The following DZANK1 variants were observed in gnomAD, a reference collection of about 807,000 sequenced individuals.
The protein encoded by DZANK1 is double zinc ribbon and ankyrin repeat-containing protein 1.
DZANK1 carries 91 observed loss-of-function variants against 94.5 expected under a neutral mutation model. The observed-to-expected ratio is 0.96, with a 90% CI of 0.81 to 1.15. The LOEUF is 1.15. Ranked by LOEUF, DZANK1 falls within the 50% of genes most tolerant of loss-of-function variation. The pLI is 0.00. For synonymous variants in DZANK1, 312 were observed against 325.3 expected (o/e 0.96, Z 0.44); for missense variants, 903 against 916.4 (o/e 0.99, Z 0.19).
At chr20:18,393,191 G>A (rs746843724) in intron 17 of DZANK1, among the ~76,000 whole-genome samples, 25 of 152,100 alleles carry the variant, frequency 1.6e-4, no homozygotes, top group African/African-American at 4.6e-4. Flanking sequence ...GCTGAAACCC[G>A]TGAGAGCGCT....
At chr20:18,430,893 A>G (rs1244350278) in intron 9 of DZANK1, among the ~76,000 whole-genome samples, 1 of 152,210 alleles carries the variant, frequency 6.6e-6, no homozygotes. Context: ...GTTGCGAGGA[A>G]AAGTATATAA....
intron 6 of DZANK1, among the ~76,000 whole-genome samples, chr20:18,451,517 C>T (rs1379392371): frequency 6.6e-6 from 1 of 152,146 alleles, no homozygotes; most frequent in Non-Finnish European, 1.5e-5. Flanking sequence ...CTAGTGATCT[C>T]GTTCAGACCT....
At chr20:18,432,688 C>T (rs2058331530) in intron 9 of DZANK1, 1 of 152,190 alleles carries the variant, frequency 6.6e-6, no homozygotes, top group Non-Finnish European at 1.5e-5. Context: ...TACATAATGC[C>T]ATGCATTTCC....
Position 18,416,809 on chromosome 20 carries a change from A to T in DZANK1, c.955-1360T>A, listed in dbSNP as rs547937520. Among the ~76,000 whole-genome samples, 23 of 152,264 alleles carry T rather than the reference A, an allele frequency of 1.5e-4. No homozygotes were observed. In the East Asian group the frequency reaches 4.1e-3, roughly 27 times the overall value. The stretch of plus-strand genomic sequence containing the variant: ...GGAAACTCCTTCAGGTAAATCAAAG[A>T]GAAATTCTCTGCAAACTTTTGCTTC... On this transcript the variant is annotated intron_variant, in intron 10 of 20. Coordinates refer to ENST00000262547, the Ensembl canonical transcript of DZANK1.
chr20:18,394,375 C>T, intron 15 of DZANK1, 25 bp from the exon 16 acceptor site: 1 of 1,603,708 alleles, frequency 6.2e-7, no homozygotes, highest in Non-Finnish European at 8.5e-7. Context: ...CATTTAAACA[C>T]CATGAATGAT....
chr20:18,397,137 C>T (rs1182858962), intron 14 of DZANK1, among the ~76,000 whole-genome samples: 2 of 152,146 alleles, frequency 1.3e-5, no homozygotes, highest in African/African-American at 2.4e-5. Context: ...CAGCTGTGAT[C>T]CAATAAAATT....
intron 8 of DZANK1, among the ~76,000 whole-genome samples, chr20:18,438,696 A>C (rs559661980): frequency 6.6e-6 from 1 of 152,352 alleles, no homozygotes; most frequent in South Asian, 2.1e-4. Context: ...AAAACACCAT[A>C]AAGTGGGTGG....
At chr20:18,430,597 G>C (rs1487639917) in intron 9 of DZANK1, among the ~76,000 whole-genome samples, 1 of 152,156 alleles carries the variant, frequency 6.6e-6, no homozygotes, top group Non-Finnish European at 1.5e-5. Flanking sequence ...GGAGGATCAT[G>C]TGAGCTCAGG....
chr20:18,449,840 A>T (rs2059030293), intron 6 of DZANK1, among the ~76,000 whole-genome samples: 1 of 151,524 alleles, frequency 6.6e-6, no homozygotes, highest in African/African-American at 2.4e-5. Context: ...GCACCTTGGG[A>T]GGCAGAGGTG....
At chr20:18,392,629 C>G (rs1188345972) in intron 17 of DZANK1, among the ~76,000 whole-genome samples, 1 of 152,198 alleles carries the variant, frequency 6.6e-6, no homozygotes, top group Admixed American at 6.5e-5. Flanking sequence ...ATCCACTGCC[C>G]TTTTCTCCAA....
chr20:18,465,058 T>C (rs2148836689), intron 2 of DZANK1, among the ~76,000 whole-genome samples, 192 bp downstream of exon 2: 1 of 152,282 alleles, frequency 6.6e-6, no homozygotes, highest in South Asian at 2.1e-4. Flanking sequence ...AAGCTAACCA[T>C]TTTAATCTAA....
intron 15 of DZANK1, chr20:18,394,814 G>C (rs764242672): frequency 4.4e-6 from 2 of 457,020 alleles, no homozygotes; most frequent in South Asian, 3.1e-5. Flanking sequence ...TAGTGCCCTT[G>C]GAAGAAGCAG....
rs751017876 is a variant in DZANK1, at chr20:18,455,249, G to A, written c.376C>T (p.Gln126Ter). The change falls in exon 4 of 21, where the codon CAG becomes TAG. Residue 126 changes from glutamine to a stop codon, truncating the protein, a stop_gained and splice_region_variant. Coordinates refer to ENST00000262547, the Ensembl canonical transcript of DZANK1. LOFTEE classifies it high-confidence loss of function. Reference sequence around the variant, plus strand: ...TGGATTATAGTTTCATTACTTGCCTGCCTTGAAGAATCTTTGAGAACATTT... The same window carrying A: ...TGGATTATAGTTTCATTACTTGCCTACCTTGAAGAATCTTTGAGAACATTT... The A allele has an allele frequency of 5.6e-6, 9 of 1,597,170 alleles. No individual in the cohort carries two copies. In the South Asian group the frequency reaches 1.0e-4, roughly 18 times the overall value.
intron 8 of DZANK1, among the ~76,000 whole-genome samples, chr20:18,434,101 T>C (rs2058407461): frequency 6.6e-6 from 1 of 151,294 alleles, no homozygotes; most frequent in African/African-American, 2.4e-5. Flanking sequence ...TAATAGAAAA[T>C]AAAATAACAA....
At chr20:18,451,761 C>T in intron 6 of DZANK1, 1 of 433,672 alleles carries the variant, frequency 2.3e-6, no homozygotes, top group Admixed American at 2.7e-5. Context: ...TTGGCTCCTC[C>T]CCTTCCCTCT....
At chr20:18,451,224 G>A (rs546008722) in intron 6 of DZANK1, among the ~76,000 whole-genome samples, 5 of 152,280 alleles carry the variant, frequency 3.3e-5, no homozygotes, top group Admixed American at 2.6e-4. Context: ...GATTACAGGC[G>A]TGAGCCACCA....
chr20:18,460,323 A>T lies in DZANK1; in HGVS notation c.110-17T>A, dbSNP rs367610619. 2 of 1,494,530 alleles carry T rather than the reference A, an allele frequency of 1.3e-6. No homozygotes were observed. Among genetic ancestry groups the T allele is most frequent in the African/African-American group, 2.8e-5 (2 of 72,580 alleles). The allele number at this position is 1,494,530 out of a possible 1,614,324, so 92.6% of individuals were successfully genotyped here. A position where few individuals can be genotyped will look rare whatever the true frequency, so the allele number is the denominator to read the frequency against. ...CTGGAGTGTCTGAAAAATCCAAAACAGGATAACTATAATTAACACCAAAGT... is the reference window on the plus strand; with the variant it reads ...CTGGAGTGTCTGAAAAATCCAAAACTGGATAACTATAATTAACACCAAAGT... On this transcript the variant is annotated splice_polypyrimidine_tract_variant and intron_variant, in intron 2 of 20. Transcript: ENST00000262547.
intron 3 of DZANK1, among the ~76,000 whole-genome samples, chr20:18,456,355 A>G (rs1351674454): frequency 1.3e-5 from 2 of 152,238 alleles, no homozygotes; most frequent in South Asian, 2.1e-4. Flanking sequence ...ACTAAAAACT[A>G]GTGGTGATGT....
intron 16 of DZANK1, 34 bp downstream of exon 16, chr20:18,394,220 G>A (rs1051572164): frequency 1.3e-6 from 2 of 1,586,022 alleles, no homozygotes; most frequent in African/African-American, 1.3e-5. Context: ...TTCCTGGTCA[G>A]TTGTTTTAAA....
Sources: allele counts gnomAD v4.1 joint callset (sites outside exome capture counted in the v4.1 genomes callset), GRCh38; gene constraint gnomAD v4.1.1; transcripts MANE v1.5; gene names NCBI Gene and HGNC (gene_info 2026-07-23, HGNC 2026-07-21).